CSGALNACT1: variants seen among roughly 807,000 people sequenced by gnomAD.
The protein encoded by CSGALNACT1 is beta4GalNAcT-1.
Under a neutral mutation model 51.0 loss-of-function variants are expected in CSGALNACT1, and 52 were observed. That is an observed-to-expected ratio of 1.02 (90% CI 0.82 to 1.29). The LOEUF is 1.29. Ranked by LOEUF, CSGALNACT1 falls within the 50% of genes most tolerant of loss-of-function variation. The pLI, the probability that CSGALNACT1 is intolerant of heterozygous loss-of-function variation, is 0.00. For synonymous variants in CSGALNACT1, 341 were observed against 254.4 expected, an observed-to-expected ratio of 1.34 and a Z score of -3.24; for missense variants, 935 against 679.2, an observed-to-expected ratio of 1.38 and a Z score of -4.19.
chr8:19,491,290 T>C (rs1436043841), intron 4 of CSGALNACT1, among the ~76,000 whole-genome samples: 1 of 152,234 alleles, frequency 6.6e-6, no homozygotes, highest in African/African-American at 2.4e-5. Context: ...AGTCTCCTAT[T>C]GTTAGACAAC....
intron 3 of CSGALNACT1, among the ~76,000 whole-genome samples, chr8:19,515,726 T>TA (rs367960768): frequency 1.3e-5 from 2 of 151,800 alleles, no homozygotes; most frequent in Non-Finnish European, 2.9e-5. Context: ...ATTTTTTTTT[T>TA]ATTTTGATTT....
chr8:19,565,165 G>A (rs535276424), intron 3 of CSGALNACT1, among the ~76,000 whole-genome samples: 28 of 152,284 alleles, frequency 1.8e-4, no homozygotes, highest in African/African-American at 2.6e-4. Flanking sequence ...ACAGACTTTC[G>A]AAGTGTTTCT....
rs1478701073 is a variant in CSGALNACT1 at position 19,405,270 on chromosome 8, C to G, written c.*510G>C. 1.3e-5 allele frequency: 6 copies of G among 453,432 alleles called. No homozygotes were observed. The Admixed American group carries it at 1.4e-4, about 11-fold the overall frequency. 28.1% of individuals were successfully genotyped at this position (453,432 alleles called of 1,614,324 possible). On this transcript the variant is annotated 3_prime_UTR_variant, in exon 10 of 10. Coordinates refer to ENST00000454498, the Ensembl canonical transcript of CSGALNACT1. Reference sequence around the variant, plus strand: ...CGATATTTATGGTTTCTTTTCTTTTCTGGTCCATTTTATTTTACTTAATGT... The same window carrying G: ...CGATATTTATGGTTTCTTTTCTTTTGTGGTCCATTTTATTTTACTTAATGT...
chr8:19,637,380 A>G (rs960981124), intron 1 of CSGALNACT1, among the ~76,000 whole-genome samples: 2 of 152,100 alleles, frequency 1.3e-5, no homozygotes, highest in Non-Finnish European at 2.9e-5. Flanking sequence ...TTTATTTACC[A>G]TATGCACTTG....
upstream of CSGALNACT1, chr8:19,683,269 A>T (rs2060763323): frequency 2.6e-5 from 4 of 152,382 alleles, no homozygotes; most frequent in South Asian, 8.3e-4. Context: ...CACTGTGATT[A>T]GGAAGCCTGC....
At chr8:19,648,800 T>C (rs952516726) in intron 1 of CSGALNACT1, among the ~76,000 whole-genome samples, 1 of 152,152 alleles carries the variant, frequency 6.6e-6, no homozygotes, top group African/African-American at 2.4e-5. Flanking sequence ...AGTGGGACCC[T>C]GTCTCAAAGA....
At chr8:19,589,621 G>T (rs998015994) in intron 3 of CSGALNACT1, among the ~76,000 whole-genome samples, 1 of 152,072 alleles carries the variant, frequency 6.6e-6, no homozygotes, top group South Asian at 2.1e-4. Flanking sequence ...GTTAGCCACC[G>T]TGCACAGTCT....
At chr8:19,503,771 T>G (rs1052644477) in intron 4 of CSGALNACT1, among the ~76,000 whole-genome samples, 8 of 151,408 alleles carry the variant, frequency 5.3e-5, no homozygotes, top group African/African-American at 1.2e-4. Context: ...TACTGTTTCA[T>G]ATGAATGAGT....
At chr8:19,652,775 A>C (rs17128793) in intron 1 of CSGALNACT1, among the ~76,000 whole-genome samples, 40,024 of 152,026 alleles carry the variant, frequency 0.26, 5,818 homozygotes, top group East Asian at 0.58. Context: ...GTCTTTGCCA[A>C]AATCAATAGA....
At chr8:19,708,083 A>AGAGGAAGGAACACAGACAGGT in intron 1 of CSGALNACT1, among the ~76,000 whole-genome samples, 1 of 152,360 alleles carries the variant, frequency 6.6e-6, no homozygotes, top group East Asian at 1.9e-4. Flanking sequence ...TGAGCTGAGC[A>AGAGGAAGGAACACAGACAGGT]GAGGAAGGAA....
chr8:19,594,321 C>A (rs550742053), intron 2 of CSGALNACT1, among the ~76,000 whole-genome samples: 1 of 152,216 alleles, frequency 6.6e-6, no homozygotes, highest in South Asian at 2.1e-4. Context: ...GGACAGTGGT[C>A]AAAGTGCCAA....
chr8:19,613,874 C>A (rs900603540), intron 1 of CSGALNACT1, among the ~76,000 whole-genome samples: 1 of 152,140 alleles, frequency 6.6e-6, no homozygotes, highest in Non-Finnish European at 1.5e-5. Flanking sequence ...TTGGGGAGAA[C>A]ACTTGTATAC....
intron 1 of CSGALNACT1, among the ~76,000 whole-genome samples, chr8:19,691,372 C>A (rs2061312125): frequency 6.6e-6 from 1 of 152,186 alleles, no homozygotes; most frequent in Non-Finnish European, 1.5e-5. Context: ...CTACCAGGGT[C>A]ATTTGGACCA....
At chr8:19,458,221 AG>A (rs374429646) in intron 5 of CSGALNACT1, among the ~76,000 whole-genome samples, 35 of 152,332 alleles carry the variant, frequency 2.3e-4, no homozygotes, top group African/African-American at 8.4e-4. Flanking sequence ...TCACTTCTGA[AG>A]GTCAATATGC....
At chr8:19,660,894 C>T (rs1426365710) in intron 1 of CSGALNACT1, among the ~76,000 whole-genome samples, 4 of 151,944 alleles carry the variant, frequency 2.6e-5, no homozygotes, top group African/African-American at 9.7e-5. Context: ...GCACAAGGAC[C>T]GTTCAGGTTT....
intron 1 of CSGALNACT1, among the ~76,000 whole-genome samples, chr8:19,750,405 C>T (rs2064957420): frequency 6.6e-6 from 1 of 152,122 alleles, no homozygotes. Context: ...TACCACCACT[C>T]TGTCAGTAGG....
intron 3 of CSGALNACT1, among the ~76,000 whole-genome samples, chr8:19,513,463 T>TATATATATATATATATATATATATATATA: frequency 7.0e-6 from 1 of 143,592 alleles, no homozygotes; most frequent in East Asian, 2.1e-4. Flanking sequence ...TATATATATA[T>TATATATATATATATATATATATATATATA]TTTGTGCCAT....
intron 1 of CSGALNACT1, among the ~76,000 whole-genome samples, chr8:19,726,247 A>G (rs1262088317): frequency 5.3e-5 from 8 of 152,228 alleles, no homozygotes; most frequent in African/African-American, 1.9e-4. Context: ...ACAATAATAT[A>G]TAGAGCCTTT....
intron 3 of CSGALNACT1, among the ~76,000 whole-genome samples, chr8:19,543,927 A>G (rs1041612297): frequency 6.6e-6 from 1 of 152,178 alleles, no homozygotes; most frequent in Non-Finnish European, 1.5e-5. Context: ...TAATTTTTCT[A>G]AAGAGGAAAA....
Sources: gnomAD v4.1 joint callset for allele counts (sites outside exome capture counted in the v4.1 genomes callset) on GRCh38, gnomAD v4.1.1 for gene constraint, MANE v1.5 for transcripts, NCBI Gene and HGNC (gene_info 2026-07-23, HGNC 2026-07-21) for gene names.